GABRB1: variants seen among roughly 807,000 people sequenced by gnomAD.
GABRB1 encodes gamma-aminobutyric acid receptor subunit beta-1.
GABRB1 carries 17 observed loss-of-function variants against 51.6 expected under a neutral mutation model. The ratio of observed to expected loss-of-function variants is 0.33; its 90% confidence interval spans 0.23 to 0.49. The LOEUF is 0.49. Among genes scored for constraint, GABRB1 ranks in the 20% least tolerant of loss-of-function variants. The probability of loss-of-function intolerance (pLI) is 0.99; values close to 1 mark genes in which losing one functional copy is unlikely to be tolerated. For missense variants in GABRB1, 410 were observed against 600.6 expected (o/e 0.68, Z 3.32); for synonymous variants, 247 against 218.9 (o/e 1.13, Z -1.14).
At chr4:47,156,498 A>G (rs1215848093) in intron 3 of GABRB1, among the ~76,000 whole-genome samples, 1 of 152,064 alleles carries the variant, frequency 6.6e-6, no homozygotes, top group Non-Finnish European at 1.5e-5. Context: ...GGTGACAACC[A>G]AAACTGTTTT....
intron 3 of GABRB1, among the ~76,000 whole-genome samples, chr4:47,091,668 C>A (rs1254673491): frequency 2.0e-5 from 3 of 152,198 alleles, no homozygotes; most frequent in African/African-American, 4.8e-5. Context: ...CTGCAAATTT[C>A]ATCTGCACTC....
At chr4:47,323,553 G>T (rs1388809840) in intron 5 of GABRB1, among the ~76,000 whole-genome samples, 4 of 152,146 alleles carry the variant, frequency 2.6e-5, no homozygotes, top group Non-Finnish European at 5.9e-5. Flanking sequence ...ACTATACTGA[G>T]CCTTAAAGTG....
At chr4:47,150,543 TACTCATTTAATTGG>T (rs1717394381) in intron 3 of GABRB1, among the ~76,000 whole-genome samples, 1 of 151,900 alleles carries the variant, frequency 6.6e-6, no homozygotes, top group Non-Finnish European at 1.5e-5. Flanking sequence ...GTTATATTTC[TACTCATTTAATTGG>T]AGAATTTCTG....
intron 3 of GABRB1, among the ~76,000 whole-genome samples, chr4:47,112,771 C>T (rs1253956212): frequency 6.6e-6 from 1 of 151,806 alleles, no homozygotes; most frequent in Non-Finnish European, 1.5e-5. Flanking sequence ...AAAAATCCTG[C>T]CTTGTGGAGC....
At chr4:47,371,329 G>A (rs1165976098) in intron 5 of GABRB1, among the ~76,000 whole-genome samples, 1 of 152,064 alleles carries the variant, frequency 6.6e-6, no homozygotes, top group African/African-American at 2.4e-5. Flanking sequence ...TCTTTACCCA[G>A]TCTATCACTG....
intron 4 of GABRB1, among the ~76,000 whole-genome samples, chr4:47,198,859 G>C (rs1719792194): frequency 6.6e-6 from 1 of 152,116 alleles, no homozygotes; most frequent in South Asian, 2.1e-4. Flanking sequence ...GGAGGCAAAG[G>C]GAAAGAAAGG....
At chr4:47,019,625 C>CTCTCTCTCTCTCTCTTTCTTTCTTTCTT (rs1274221477) in intron 1 of GABRB1, among the ~76,000 whole-genome samples, 47 of 91,094 alleles carry the variant, frequency 5.2e-4, no homozygotes, top group African/African-American at 7.1e-4. Flanking sequence ...TTCTTTCTCT[C>CTCTCTCTCTCTCTCTTTCTTTCTTTCTT]TCTTTCTTTC....
chr4:47,085,986 T>C (rs774729216), intron 3 of GABRB1, among the ~76,000 whole-genome samples: 9 of 152,184 alleles, frequency 5.9e-5, no homozygotes, highest in Non-Finnish European at 8.8e-5. Context: ...CACCTCTTAA[T>C]GGCAGAAGAA....
rs562470344 is a variant in GABRB1, at chr4:47,235,367, C to T, written c.461+73898C>T. The stretch of plus-strand genomic sequence containing the variant: ...AAGTTGAAGACCATCCGGGCTAACA[C>T]GGTGAAACCCGTCTCTACTAAAAAT... On this transcript the variant is annotated intron_variant, in intron 4 of 8. Transcript: ENST00000295454. 2.1e-3 allele frequency among the ~76,000 whole-genome samples: 324 copies of T among 152,182 alleles called. 1 individual carries two copies. The highest frequency in any genetic ancestry group is 3.4e-3 in the Middle Eastern group (1 of 294).
At position 47,378,418 on chromosome 4, in the gene GABRB1, T is replaced by A. The variant is rs555044850; in HGVS notation, c.545-24900T>A. The stretch of plus-strand genomic sequence containing the variant: ...CCGCAAGCACCGCGCGCAGCCCGGG[T>A]TCCCGCCCACACCTCTCCCTCCACA... On this transcript the variant is annotated intron_variant, in intron 5 of 8. Coordinates refer to ENST00000295454, the MANE Select transcript of GABRB1 (RefSeq NM_000812.4). Among the ~76,000 whole-genome samples, 22 of 151,982 alleles carry A rather than the reference T, an allele frequency of 1.4e-4. No homozygotes were observed. In the East Asian group the frequency reaches 4.1e-3, roughly 28 times the overall value.
intron 4 of GABRB1, among the ~76,000 whole-genome samples, chr4:47,175,085 CTTGT>C (rs142775970): frequency 0.097 from 14,460 of 148,836 alleles, 792 homozygotes; most frequent in South Asian, 0.19. Context: ...TCCTCCCTCC[CTTGT>C]TTGTTTCCTT....
intron 4 of GABRB1, among the ~76,000 whole-genome samples, chr4:47,277,041 A>G (rs1723109038): frequency 6.6e-6 from 1 of 152,126 alleles, no homozygotes; most frequent in African/African-American, 2.4e-5. Flanking sequence ...AAAATTTTAC[A>G]TCTTTACACT....
At chr4:47,296,162 T>A (rs767480430) in intron 4 of GABRB1, among the ~76,000 whole-genome samples, 13 of 152,194 alleles carry the variant, frequency 8.5e-5, no homozygotes, top group South Asian at 8.3e-4. Flanking sequence ...TCATGCCAAA[T>A]TGTAAAGACC....
intron 4 of GABRB1, among the ~76,000 whole-genome samples, chr4:47,178,468 G>A (rs1430215981): frequency 6.6e-6 from 1 of 151,984 alleles, no homozygotes; most frequent in African/African-American, 2.4e-5. Flanking sequence ...TCATTCTTTT[G>A]TACGTGCTGA....
intron 3 of GABRB1, among the ~76,000 whole-genome samples, chr4:47,049,086 C>T (rs1577859307): frequency 6.6e-6 from 1 of 151,532 alleles, no homozygotes; most frequent in South Asian, 2.1e-4. Flanking sequence ...AAAACTGTTG[C>T]CAGAGGAGGG....
chr4:47,165,558 C>T (rs576525867), intron 4 of GABRB1, among the ~76,000 whole-genome samples: 1 of 152,244 alleles, frequency 6.6e-6, no homozygotes, highest in South Asian at 2.1e-4. Flanking sequence ...ACTCTGACTT[C>T]AGGACTTCCA....
intron 4 of GABRB1, among the ~76,000 whole-genome samples, chr4:47,302,833 G>T (rs1239405440): frequency 1.3e-5 from 2 of 151,840 alleles, no homozygotes; most frequent in African/African-American, 4.8e-5. Flanking sequence ...GGAACATTCA[G>T]GTTCCAATTT....
chr4:47,414,781 T>C (rs1276205561), intron 8 of GABRB1, among the ~76,000 whole-genome samples: 1 of 152,186 alleles, frequency 6.6e-6, no homozygotes, highest in African/African-American at 2.4e-5. Flanking sequence ...ATCAGCTCTG[T>C]ATTGTGGTTA....
intron 3 of GABRB1, among the ~76,000 whole-genome samples, chr4:47,129,205 G>T (rs1464897344): frequency 6.6e-6 from 1 of 152,042 alleles, no homozygotes; most frequent in African/African-American, 2.4e-5. Flanking sequence ...CACAATCTTT[G>T]AGTGTTAAAA....
Sources: gnomAD v4.1 joint callset for allele counts (sites outside exome capture counted in the v4.1 genomes callset) on GRCh38, gnomAD v4.1.1 for gene constraint, MANE v1.5 for transcripts, NCBI Gene and HGNC (gene_info 2026-07-23, HGNC 2026-07-21) for gene names.